Variants in PLEKHM3 observed in about 807,000 individuals in gnomAD.
PLEKHM3 encodes the protein pleckstrin homology domain containing M3.
Under a neutral mutation model 81.8 loss-of-function variants are expected in PLEKHM3, and 45 were observed. That is an observed-to-expected ratio of 0.55 (90% confidence interval 0.43 to 0.71). The LOEUF (loss-of-function observed/expected upper bound fraction) is 0.71, where lower values mean the gene tolerates loss of function less well. Among genes scored for constraint, PLEKHM3 ranks in the 30% least tolerant of loss-of-function variants. The probability of loss-of-function intolerance (pLI) is 0.00; values close to 1 mark genes in which losing one functional copy is unlikely to be tolerated. For synonymous variants in PLEKHM3, 352 were observed against 356.4 expected (o/e 0.99, Z 0.14); for missense variants, 788 against 924.3 (o/e 0.85, Z 1.91).
In PLEKHM3 at chr2:207,946,915, G is replaced by A. The variant is rs530755923; in HGVS notation, c.1547-403C>T. On this transcript the variant is annotated intron_variant, in intron 3 of 7. Coordinates refer to ENST00000427836, the MANE Select transcript of PLEKHM3 (RefSeq NM_001080475.3). The stretch of plus-strand genomic sequence containing the variant: ...TGTTTAACCAGCACCACTTCTCTAT[G>A]AGGAAGATATTATTAATTCTATTTT... Among the ~76,000 whole-genome samples, 3 of 152,316 alleles carry A rather than the reference G, an allele frequency of 2.0e-5. No homozygotes were observed. In the South Asian group the frequency reaches 6.2e-4, roughly 32 times the overall value.
chr2:207,897,005 A>T (rs1185815000), intron 6 of PLEKHM3, among the ~76,000 whole-genome samples: 1 of 152,224 alleles, frequency 6.6e-6, no homozygotes, highest in East Asian at 1.9e-4. Flanking sequence ...TTCAGAGGGT[A>T]GGTAGTACCA....
intron 2 of PLEKHM3, among the ~76,000 whole-genome samples, chr2:207,982,916 C>T (rs1200477710): frequency 6.6e-6 from 1 of 151,928 alleles, no homozygotes; most frequent in East Asian, 1.9e-4. Flanking sequence ...CTGCCTTACT[C>T]TATTGTAAGA....
chr2:208,016,631 C>CA (rs1692924258), intron 1 of PLEKHM3, among the ~76,000 whole-genome samples: 1 of 104,032 alleles, frequency 9.6e-6, no homozygotes, highest in Non-Finnish European at 1.9e-5. Context: ...ACCTGGGTGA[C>CA]AGAGTGAGAC....
chr2:207,902,384 T>C lies in PLEKHM3; in HGVS notation c.1950+6130A>G, dbSNP rs554354962. 5.3e-5 allele frequency among the ~76,000 whole-genome samples: 8 copies of C among 152,330 alleles called. No individual in the cohort carries two copies. The South Asian group carries it at 1.7e-3, about 32-fold the overall frequency. On this transcript the variant is annotated intron_variant, in intron 6 of 7. Transcript: ENST00000427836. The stretch of plus-strand genomic sequence containing the variant: ...TTCAGTAAAGTATGTTGTTTAAAAG[T>C]GGCCTTGAAATACCTTAAACATTGC...
chr2:207,916,064 A>G (rs1688983451), intron 5 of PLEKHM3, among the ~76,000 whole-genome samples: 1 of 152,200 alleles, frequency 6.6e-6, no homozygotes, highest in African/African-American at 2.4e-5. Flanking sequence ...TTTTAAATCA[A>G]AGGCACATAT....
At chr2:207,990,540 A>C (rs1691866012) in intron 2 of PLEKHM3, among the ~76,000 whole-genome samples, 1 of 152,212 alleles carries the variant, frequency 6.6e-6, no homozygotes, top group Non-Finnish European at 1.5e-5. Flanking sequence ...GCCAGAAACA[A>C]ACGGAAAAAA....
chr2:207,956,209 T>G (rs1380191292), intron 3 of PLEKHM3, among the ~76,000 whole-genome samples: 1 of 152,052 alleles, frequency 6.6e-6, no homozygotes, highest in Non-Finnish European at 1.5e-5. Flanking sequence ...TCCTAATTAA[T>G]AAGATATAGC....
intron 7 of PLEKHM3, among the ~76,000 whole-genome samples, chr2:207,841,241 C>T (rs188946247): frequency 8.6e-5 from 13 of 150,810 alleles, no homozygotes; most frequent in African/African-American, 2.9e-4. Context: ...CCGAGGTGGG[C>T]AGATCACGAG....
intron 6 of PLEKHM3, among the ~76,000 whole-genome samples, chr2:207,903,709 T>C (rs1410852511): frequency 3.3e-5 from 5 of 152,214 alleles, no homozygotes; most frequent in African/African-American, 4.8e-5. Flanking sequence ...TGACCATTTA[T>C]TTATATGTAC....
chr2:208,000,406 C>T (rs10179682), intron 2 of PLEKHM3, among the ~76,000 whole-genome samples: 1 of 152,180 alleles, frequency 6.6e-6, no homozygotes, highest in Non-Finnish European at 1.5e-5. Context: ...TCCTGAGAAG[C>T]CCAACCCACA....
chr2:208,002,049 C>T (rs985837803), intron 1 of PLEKHM3, 92 bp from the exon 2 acceptor site: 1 of 182,786 alleles, frequency 5.5e-6, no homozygotes, highest in African/African-American at 2.4e-5. Flanking sequence ...CCTCTATGCC[C>T]GTTCTATGGT....
chr2:207,850,936 C>T (rs1013598392), intron 7 of PLEKHM3, among the ~76,000 whole-genome samples: 2 of 151,746 alleles, frequency 1.3e-5, no homozygotes, highest in African/African-American at 4.8e-5. Flanking sequence ...GGGTGGACCA[C>T]GAGGTCACAA....
intron 5 of PLEKHM3, among the ~76,000 whole-genome samples, chr2:207,915,001 C>A (rs1423315574): frequency 6.6e-6 from 1 of 152,186 alleles, no homozygotes; most frequent in African/African-American, 2.4e-5. Context: ...ACTTCACTCG[C>A]CCATCAAAGG....
intron 3 of PLEKHM3, among the ~76,000 whole-genome samples, chr2:207,975,070 C>T (rs968093143): frequency 2.0e-5 from 3 of 152,006 alleles, no homozygotes; most frequent in African/African-American, 4.8e-5. Context: ...CCTTGTGATC[C>T]GCCCGCCTCG....
chr2:207,998,802 G>A (rs1406112835), intron 2 of PLEKHM3, among the ~76,000 whole-genome samples: 7 of 152,062 alleles, frequency 4.6e-5, no homozygotes, highest in African/African-American at 1.7e-4. Flanking sequence ...ACACCCTCTT[G>A]ACTCGTGCTA....
chr2:207,872,599 A>G (rs567434064), intron 6 of PLEKHM3, among the ~76,000 whole-genome samples: 5 of 152,278 alleles, frequency 3.3e-5, no homozygotes, highest in African/African-American at 1.2e-4. Flanking sequence ...GCACTTTGGG[A>G]GGCTGAGGGG....
chr2:207,841,100 C>T (rs2092348663), intron 7 of PLEKHM3, among the ~76,000 whole-genome samples: 1 of 151,886 alleles, frequency 6.6e-6, no homozygotes, highest in Non-Finnish European at 1.5e-5. Context: ...ATTACAGACG[C>T]CCGGACAACT....
chr2:207,984,505 C>T (rs949102381), intron 2 of PLEKHM3, among the ~76,000 whole-genome samples: 9 of 152,064 alleles, frequency 5.9e-5, no homozygotes, highest in African/African-American at 1.7e-4. Flanking sequence ...CTCAGCCTCC[C>T]GAGTAGCTGG....
At chr2:207,928,456 A>G (rs933284241) in intron 5 of PLEKHM3, among the ~76,000 whole-genome samples, 28 of 152,398 alleles carry the variant, frequency 1.8e-4, no homozygotes, top group Non-Finnish European at 3.7e-4. Context: ...GCCAGATATA[A>G]GAACAGTCTA....
Sources: gnomAD v4.1 joint callset for allele counts (sites outside exome capture counted in the v4.1 genomes callset) on GRCh38, gnomAD v4.1.1 for gene constraint, MANE v1.5 for transcripts, NCBI Gene and HGNC (gene_info 2026-07-23, HGNC 2026-07-21) for gene names.